Variants in SMARCD3 observed in about 807,000 individuals in gnomAD.
The protein encoded by SMARCD3 is SWI/SNF-related matrix-associated actin-dependent regulator of chromatin subfamily D member 3.
Under a neutral mutation model 58.0 loss-of-function variants are expected in SMARCD3, and 14 were observed. The observed-to-expected ratio is 0.24, with a 90% CI of 0.16 to 0.38. The LOEUF (loss-of-function observed/expected upper bound fraction) is 0.38, where lower values mean the gene tolerates loss of function less well. Among genes scored for constraint, SMARCD3 ranks in the 10% least tolerant of loss-of-function variants. The pLI is 1.00. For synonymous variants in SMARCD3, 253 were observed against 253.8 expected, an observed-to-expected ratio of 1.00 and a Z score of 0.03; for missense variants, 408 against 636.9, an observed-to-expected ratio of 0.64 and a Z score of 3.87.
intron 2 of SMARCD3, among the ~76,000 whole-genome samples, chr7:151,269,615 G>A (rs931100807): frequency 6.6e-6 from 1 of 152,144 alleles, no homozygotes; most frequent in African/African-American, 2.4e-5. Flanking sequence ...TGCGTGTCTG[G>A]GTGGTGGCCA....
upstream of SMARCD3, among the ~76,000 whole-genome samples, chr7:151,253,238 C>T (rs2150602989): frequency 6.6e-6 from 1 of 152,258 alleles, no homozygotes; most frequent in East Asian, 1.9e-4. Flanking sequence ...ATGAGTGAGG[C>T]CTGGTCCCAG....
In SMARCD3 at chr7:151,275,137, G is replaced by A. The variant is rs201748461; in HGVS notation, c.16C>T (p.Gln6Ter). ...ACCTGTACCACGGTGGGTGGGTGCTGAAGACCTGGAGTCATAGATGGCAGG... is the reference window on the plus strand; with the variant it reads ...ACCTGTACCACGGTGGGTGGGTGCTAAAGACCTGGAGTCATAGATGGCAGG... Residue 6 changes from glutamine (Q) to a stop codon, truncating the protein, a stop_gained, in exon 2 of 14, where the codon CAG becomes TAG. Transcript: ENST00000356800. LOFTEE classifies it high-confidence loss of function. The A allele has an allele frequency of 1.9e-6, 3 of 1,612,316 alleles. No homozygotes were observed. Among genetic ancestry groups the A allele is most frequent in the Admixed American group, 3.3e-5 (2 of 59,884 alleles).
rs1046871422 is a variant in SMARCD3 at position 151,239,040 on chromosome 7, G to A, written c.*63C>T. 6.4e-5 allele frequency: 97 copies of A among 1,527,542 alleles called. No individual in the cohort carries two copies. The South Asian group carries it at 7.6e-4, about 12-fold the overall frequency. 94.6% of individuals were successfully genotyped at this position (1,527,542 alleles called of 1,614,324 possible). Reference sequence around the variant, plus strand: ...GGCAGAGGAGTGATGCTGGAGCCCGGGGCAAAATGCTGGGGCCCGGGACAC... The same window carrying A: ...GGCAGAGGAGTGATGCTGGAGCCCGAGGCAAAATGCTGGGGCCCGGGACAC... On this transcript the variant is annotated 3_prime_UTR_variant, in exon 13 of 13. Coordinates refer to ENST00000262188, the MANE Select transcript of SMARCD3 (RefSeq NM_001003801.2). This position sits in a 1 kb window ranked among gnomAD's most constrained non-coding sequence, Gnocchi z 7.0.
chr7:151,240,706 TAG>T (rs1802941231), intron 8 of SMARCD3, 184 bp from the exon 9 acceptor site: 1 of 570,998 alleles, frequency 1.8e-6, no homozygotes, highest in African/African-American at 1.9e-5. Context: ...GCTGACAAGA[TAG>T]GGGGTGGGTC....
intron 2 of SMARCD3, among the ~76,000 whole-genome samples, chr7:151,269,594 G>A (rs571949338): frequency 4.6e-5 from 7 of 152,312 alleles, no homozygotes; most frequent in Admixed American, 3.3e-4. Flanking sequence ...GGAACAGGAA[G>A]AATGGACTTC....
chr7:151,265,443 A>G (rs1804050569), intron 2 of SMARCD3, among the ~76,000 whole-genome samples: 1 of 152,238 alleles, frequency 6.6e-6, no homozygotes, highest in Admixed American at 6.5e-5. Context: ...CACTGGGACC[A>G]GGAATCTCTG....
intron 1 of SMARCD3, among the ~76,000 whole-genome samples, chr7:151,247,591 A>C (rs1259760372): frequency 6.6e-6 from 1 of 152,088 alleles, no homozygotes; most frequent in Non-Finnish European, 1.5e-5. Flanking sequence ...TTGGGGTCAC[A>C]ACCAAATTTG....
chr7:151,253,577 C>A (rs1262016726), upstream of SMARCD3, among the ~76,000 whole-genome samples: 6 of 25,896 alleles, frequency 2.3e-4, no homozygotes, highest in Non-Finnish European at 3.4e-4. Context: ...CTGCTGGTGG[C>A]AGGAGAGCGG....
chr7:151,245,869 T>C lies in SMARCD3; in HGVS notation c.79-198A>G, dbSNP rs1803236051. The C allele has an allele frequency of 2.6e-6, 1 of 380,374 alleles. No individual in the cohort carries two copies. The highest frequency in any genetic ancestry group is 4.7e-6 in the Non-Finnish European group (1 of 214,686). The allele number at this position is 380,374 out of a possible 1,614,324, so 23.6% of individuals were successfully genotyped here. ...TCTGCGCGGCTCTGGCGGAGGGGCT[T>C]GGCGTCTGGCTGCAGGAAGCTAACT... On this transcript the variant is annotated intron_variant, in intron 1 of 12. Coordinates refer to ENST00000262188, the MANE Select transcript of SMARCD3 (RefSeq NM_001003801.2). This position sits in a 1 kb window ranked among gnomAD's most constrained non-coding sequence, Gnocchi z 6.2.
chr7:151,252,143 C>T (rs370334078), upstream of SMARCD3, among the ~76,000 whole-genome samples: 9 of 152,276 alleles, frequency 5.9e-5, no homozygotes, highest in South Asian at 1.9e-3. Flanking sequence ...GTCCCGCCCT[C>T]CTGCCCTCCG....
At chr7:151,276,439 GGA>G (rs1795345056) in intron 1 of SMARCD3, among the ~76,000 whole-genome samples, 1 of 144,308 alleles carries the variant, frequency 6.9e-6, no homozygotes, top group African/African-American at 2.6e-5. Flanking sequence ...GGGGAGGAGG[GGA>G]AGGTGCCAGG....
intron 2 of SMARCD3, among the ~76,000 whole-genome samples, chr7:151,274,135 A>C (rs752011323): frequency 6.6e-6 from 1 of 152,174 alleles, no homozygotes; most frequent in African/African-American, 2.4e-5. Context: ...TTTGTGCCCA[A>C]TTGTCAAGGC....
chr7:151,252,125 C>T (rs148468200), upstream of SMARCD3, among the ~76,000 whole-genome samples: 259 of 152,226 alleles, frequency 1.7e-3, 3 homozygotes, highest in African/African-American at 6.0e-3. Flanking sequence ...GGCCGGGCCC[C>T]AGCCGCAGTC....
chr7:151,254,754 C>T (rs928410310), intron 2 of SMARCD3, among the ~76,000 whole-genome samples: 1 of 152,204 alleles, frequency 6.6e-6, no homozygotes, highest in Non-Finnish European at 1.5e-5. Flanking sequence ...GGCCCAGCGT[C>T]CTGCCCCTCA....
chr7:151,243,799 G>T lies in SMARCD3; in HGVS notation c.291-98C>A. The T allele has an allele frequency of 1.1e-6, 1 of 892,314 alleles. No individual in the cohort carries two copies. The highest frequency in any genetic ancestry group is 1.9e-6 in the Non-Finnish European group (1 of 524,502). 55.3% of individuals were successfully genotyped at this position (892,314 alleles called of 1,614,324 possible). A position where few individuals can be genotyped will look rare whatever the true frequency, so the allele number is the denominator to read the frequency against. On this transcript the variant is annotated intron_variant, in intron 2 of 12. Coordinates refer to ENST00000262188, the MANE Select transcript of SMARCD3 (RefSeq NM_001003801.2). The surrounding 1 kb of genome is among the most constrained non-coding windows in gnomAD (Gnocchi z 4.4). Reference sequence around the variant, plus strand: ...TTATCCCGACATCTCCGCCCGCCTGGCTGGGGTTCCCACAGCCCACTTGTC... The same window carrying T: ...TTATCCCGACATCTCCGCCCGCCTGTCTGGGGTTCCCACAGCCCACTTGTC...
At chr7:151,244,795 A>G (rs1803174846) in intron 2 of SMARCD3, among the ~76,000 whole-genome samples, 2 of 152,226 alleles carry the variant, frequency 1.3e-5, no homozygotes, top group Non-Finnish European at 2.9e-5. Flanking sequence ...GTATTTGGCT[A>G]AATACTGAAA....
intron 2 of SMARCD3, chr7:151,274,974 C>A (rs1795296704): frequency 3.0e-6 from 2 of 665,930 alleles, no homozygotes; most frequent in South Asian, 3.5e-5. Flanking sequence ...AGAGGCCCTG[C>A]CATGGGCACT....
chr7:151,250,313 G>C (rs1249386180), upstream of SMARCD3, among the ~76,000 whole-genome samples: 2 of 151,882 alleles, frequency 1.3e-5, no homozygotes, highest in African/African-American at 2.4e-5. Flanking sequence ...CTCTCCCAGG[G>C]CTTTAGCCTA....
At chr7:151,254,988 C>T (rs1803653934) in intron 2 of SMARCD3, among the ~76,000 whole-genome samples, 1 of 152,176 alleles carries the variant, frequency 6.6e-6, no homozygotes, top group Non-Finnish European at 1.5e-5. Flanking sequence ...AATAAAACCC[C>T]CGTGGAAGTG....
Sources: gnomAD v4.1 joint callset for allele counts (sites outside exome capture counted in the v4.1 genomes callset) on GRCh38, gnomAD v4.1.1 for gene constraint, Gnocchi (gnomAD v3.1) non-coding constraint, MANE v1.5 for transcripts, NCBI Gene and HGNC (gene_info 2026-07-23, HGNC 2026-07-21) for gene names.